Variants in OSBPL1A observed in about 807,000 individuals in gnomAD.
The protein encoded by OSBPL1A is oxysterol-binding protein-related protein 1.
Under a neutral mutation model 137.1 loss-of-function variants are expected in OSBPL1A, and 80 were observed. The ratio of observed to expected loss-of-function variants is 0.58; its 90% CI spans 0.49 to 0.70. The LOEUF is 0.70. Ranked by LOEUF, OSBPL1A falls within the 30% of genes least tolerant of loss-of-function variation. OSBPL1A has a pLI of 0.00. For missense variants in OSBPL1A, 970 were observed against 1,129.4 expected (o/e 0.86, Z 2.02); for synonymous variants, 365 against 389.7 (o/e 0.94, Z 0.75).
intron 7 of OSBPL1A, among the ~76,000 whole-genome samples, chr18:24,329,547 CAAA>C (rs369613715): frequency 3.2e-5 from 2 of 63,472 alleles, no homozygotes; most frequent in Admixed American, 1.7e-4. Flanking sequence ...GAAACTCTGT[CAAA>C]AAAAAAAAAA....
chr18:24,178,090 A>C lies in OSBPL1A; in HGVS notation c.2016T>G (p.Ser672=), dbSNP rs746858110. The C allele has an allele frequency of 6.2e-7, 1 of 1,613,788 alleles. No homozygotes were observed. Among genetic ancestry groups the C allele is most frequent in the African/African-American group, 1.3e-5 (1 of 74,902 alleles). ...CCCAGAATTTCAGTTTGGGATAGAT[A>C]GAGCCATGAAAGATGAAGTCATTGT... is the stretch of plus-strand genomic sequence containing the variant. ...GLNNDFIFHG[S]IYPKLKFWGK... The change falls in exon 21 of 28, where the codon TCT becomes TCG. Residue 672 remains serine (S), a synonymous_variant. Transcript: ENST00000319481.
At chr18:24,220,633 C>T (rs1312603390) in intron 17 of OSBPL1A, among the ~76,000 whole-genome samples, 1 of 152,064 alleles carries the variant, frequency 6.6e-6, no homozygotes, top group Non-Finnish European at 1.5e-5. Flanking sequence ...CTTAAGTGCT[C>T]CTGGTCACTA....
intron 20 of OSBPL1A, chr18:24,179,164 T>G (rs1031634800): frequency 1.0e-4 from 16 of 152,564 alleles, no homozygotes; most frequent in African/African-American, 2.9e-4. Context: ...GGTCACCATA[T>G]TCATGCCAAA....
At chr18:24,236,755 A>C (rs1055500331) in intron 16 of OSBPL1A, among the ~76,000 whole-genome samples, 2 of 152,198 alleles carry the variant, frequency 1.3e-5, no homozygotes, top group African/African-American at 4.8e-5. Context: ...GCAATCCACA[A>C]AGCAGCAGAT....
chr18:24,345,596 G>A (rs1240540847), intron 4 of OSBPL1A, among the ~76,000 whole-genome samples: 2 of 152,120 alleles, frequency 1.3e-5, no homozygotes, highest in Non-Finnish European at 2.9e-5. Context: ...TGAGGCAGAA[G>A]AATTGCTTGA....
At chr18:24,203,410 G>A (rs1399099327) in intron 17 of OSBPL1A, among the ~76,000 whole-genome samples, 1 of 152,034 alleles carries the variant, frequency 6.6e-6, no homozygotes, top group Non-Finnish European at 1.5e-5. Flanking sequence ...CACAAACAAG[G>A]GTATACAGGT....
At chr18:24,384,553 G>A (rs1333039644) in intron 1 of OSBPL1A, among the ~76,000 whole-genome samples, 2 of 149,450 alleles carry the variant, frequency 1.3e-5, no homozygotes, top group African/African-American at 4.9e-5. Flanking sequence ...GGGTGACAGA[G>A]CGAGATCCTG....
intron 16 of OSBPL1A, among the ~76,000 whole-genome samples, chr18:24,230,875 G>C (rs934324882): frequency 6.6e-6 from 1 of 152,266 alleles, no homozygotes; most frequent in African/African-American, 2.4e-5. Flanking sequence ...GAATACTCTT[G>C]ATAAGCACTT....
At chr18:24,290,087 A>G (rs186322636) in intron 14 of OSBPL1A, among the ~76,000 whole-genome samples, 23 of 152,244 alleles carry the variant, frequency 1.5e-4, no homozygotes, top group African/African-American at 2.4e-4. Flanking sequence ...TGTTTGCTTT[A>G]TACTAGATAA....
intron 22 of OSBPL1A, among the ~76,000 whole-genome samples, chr18:24,171,816 A>C (rs1316353302): frequency 1.3e-5 from 2 of 152,206 alleles, no homozygotes; most frequent in Non-Finnish European, 2.9e-5. Context: ...CTGAGATTGG[A>C]ATTAAGGTTC....
chr18:24,236,686 G>A (rs1203132729), intron 16 of OSBPL1A, among the ~76,000 whole-genome samples: 1 of 152,176 alleles, frequency 6.6e-6, no homozygotes, highest in Non-Finnish European at 1.5e-5. Context: ...TATAGCCATG[G>A]CAGGATGTGC....
chr18:24,211,516 C>T (rs1567948551), intron 17 of OSBPL1A, among the ~76,000 whole-genome samples: 2 of 152,150 alleles, frequency 1.3e-5, no homozygotes, highest in Admixed American at 1.3e-4. Flanking sequence ...ACTGTTGTAA[C>T]TTTTTTGTCC....
chr18:24,262,647 A>C (rs1210590535), intron 15 of OSBPL1A, among the ~76,000 whole-genome samples: 1 of 152,200 alleles, frequency 6.6e-6, no homozygotes, highest in Admixed American at 6.5e-5. Context: ...AGCTTTTACA[A>C]ATATATACGC....
chr18:24,321,834 G>A (rs2090866180), intron 7 of OSBPL1A: 1 of 412,060 alleles, frequency 2.4e-6, no homozygotes. Context: ...GAGATACAGA[G>A]TGGCCATTAT....
At chr18:24,301,038 T>C (rs1023707246) in intron 14 of OSBPL1A, among the ~76,000 whole-genome samples, 3 of 152,176 alleles carry the variant, frequency 2.0e-5, no homozygotes, top group African/African-American at 7.2e-5. Flanking sequence ...TAAAAGACTA[T>C]CCTGTACAAA....
At chr18:24,204,538 C>T (rs1379087487) in intron 17 of OSBPL1A, among the ~76,000 whole-genome samples, 2 of 146,274 alleles carry the variant, frequency 1.4e-5, no homozygotes, top group African/African-American at 5.0e-5. Context: ...GTGAAGGCTT[C>T]TCCCACCCTA....
intron 1 of OSBPL1A, among the ~76,000 whole-genome samples, chr18:24,382,622 C>T (rs1165585264): frequency 2.6e-5 from 4 of 151,230 alleles, no homozygotes; most frequent in African/African-American, 7.3e-5. Flanking sequence ...CTGGGGGCAA[C>T]GGCTCAGCAC....
intron 13 of OSBPL1A, among the ~76,000 whole-genome samples, chr18:24,304,126 GA>G (rs1025243891): frequency 1.1e-4 from 17 of 150,962 alleles, no homozygotes; most frequent in Admixed American, 9.9e-4. Context: ...GTTTTGTTCA[GA>G]AAAAAAAATC....
rs561952357 is a variant in OSBPL1A, at chr18:24,348,031, T to A, written c.283-6373A>T. 3.3e-5 allele frequency among the ~76,000 whole-genome samples: 5 copies of A among 152,138 alleles called. No individual in the cohort carries two copies. In the South Asian group the frequency reaches 1.0e-3, roughly 32 times the overall value. ...TTATAGAGAGGGCAGGATAATATAT[T>A]AAAACATTTAAAAACTCAGCTACCA... On this transcript the variant is annotated intron_variant, in intron 4 of 27. Coordinates refer to ENST00000319481, the MANE Select transcript of OSBPL1A (RefSeq NM_080597.4).
Sources: allele counts gnomAD v4.1 joint callset (sites outside exome capture counted in the v4.1 genomes callset), GRCh38; gene constraint gnomAD v4.1.1; transcripts MANE v1.5; gene names NCBI Gene and HGNC (gene_info 2026-07-23, HGNC 2026-07-21).